UGT2B7: variants seen among roughly 807,000 people sequenced by gnomAD.
UGT2B7 encodes the protein UDP glucuronosyltransferase family 2 member B7, also known as UDP-glucuronosyltransferase 2B7.
A neutral mutation model predicts 51.9 loss-of-function variants in UGT2B7; 51 were observed. The ratio of observed to expected loss-of-function variants is 0.98; its 90% confidence interval spans 0.78 to 1.24. The LOEUF (loss-of-function observed/expected upper bound fraction) is 1.24. UGT2B7 is among the 50% of genes most tolerant of loss of function. The pLI is 0.00. For synonymous variants in UGT2B7, 225 were observed against 211.6 expected (o/e 1.06, Z -0.55); for missense variants, 727 against 628.4 (o/e 1.16, Z -1.68).
intron 1 of UGT2B7, among the ~76,000 whole-genome samples, chr4:69,082,082 G>A (rs1718850237): frequency 6.6e-6 from 1 of 151,938 alleles, no homozygotes; most frequent in African/African-American, 2.4e-5. Context: ...TATTACTGTT[G>A]TAATTGGTTT....
At chr4:69,063,318 C>CA (rs556109411) in intron 1 of UGT2B7, among the ~76,000 whole-genome samples, 305 of 23,440 alleles carry the variant, frequency 0.013, 3 homozygotes, top group Middle Eastern at 0.034. Flanking sequence ...GACTCCGTCT[C>CA]AAAAAAAAAA....
At chr4:69,110,996 C>G (rs1719755628) in intron 5 of UGT2B7, among the ~76,000 whole-genome samples, 1 of 152,006 alleles carries the variant, frequency 6.6e-6, no homozygotes, top group Admixed American at 6.6e-5. Context: ...GTGGTTCCAT[C>G]ATAATGTGGC....
chr4:69,087,547 G>A (rs1577916923), intron 1 of UGT2B7, among the ~76,000 whole-genome samples: 2 of 151,876 alleles, frequency 1.3e-5, no homozygotes, highest in African/African-American at 4.8e-5. Flanking sequence ...GCCTTCAGAT[G>A]TATTCTTATT....
intron 2 of UGT2B7, among the ~76,000 whole-genome samples, chr4:69,100,214 G>A (rs1719378841): frequency 6.6e-6 from 1 of 151,980 alleles, no homozygotes; most frequent in Non-Finnish European, 1.5e-5. Flanking sequence ...GCCTGACACA[G>A]AAGCACAGAG....
At position 69,077,881 on chromosome 4, in the gene UGT2B7, C is replaced by A. The variant is rs190128098; in HGVS notation, c.-158-11591C>A. On this transcript the variant is annotated intron_variant, in intron 1 of 5. Coordinates refer to the UGT2B7 transcript ENST00000502942. ...CAATTTTCAAAGGGAATGCTTCCAG[C>A]TTTTGCCCATTCAGTATGATATGGG... 7.0e-4 allele frequency among the ~76,000 whole-genome samples: 107 copies of A among 152,234 alleles called. 1 individual carries two copies. In the East Asian group the frequency reaches 0.02, roughly 28 times the overall value.
chr4:69,080,406 G>A (rs1206695958), intron 1 of UGT2B7, among the ~76,000 whole-genome samples: 2 of 151,834 alleles, frequency 1.3e-5, no homozygotes, highest in Non-Finnish European at 2.9e-5. Context: ...AAATTAGCCA[G>A]GCATGGTAGC....
At position 69,096,832 on chromosome 4, in the gene UGT2B7, A is replaced by T. The variant is rs370517827; in HGVS notation, c.312A>T (p.Thr104=). ...IKRWSDLPKD[T]FWLYFSQVQE... Reference sequence around the variant, plus strand: ...GATGGTCAGACCTTCCAAAAGATACATTTTGGTTATATTTTTCACAAGTAC... The same window carrying T: ...GATGGTCAGACCTTCCAAAAGATACTTTTTGGTTATATTTTTCACAAGTAC... Residue 104 remains threonine (T), a synonymous_variant, in exon 1 of 6, where the codon ACA becomes ACT. Coordinates refer to ENST00000305231, the MANE Select transcript of UGT2B7 (RefSeq NM_001074.4). 1 of 1,613,610 alleles carries T rather than the reference A, an allele frequency of 6.2e-7. No individual in the cohort carries two copies. The highest frequency in any genetic ancestry group is 8.5e-7 in the Non-Finnish European group (1 of 1,179,818).
chr4:69,071,020 A>T (rs1203677597), intron 1 of UGT2B7, among the ~76,000 whole-genome samples: 2 of 152,154 alleles, frequency 1.3e-5, no homozygotes, highest in African/African-American at 2.4e-5. Flanking sequence ...TTGGTTAGAA[A>T]GACTAAAGAT....
At chr4:69,059,306 T>C (rs116224681) in intron 1 of UGT2B7, among the ~76,000 whole-genome samples, 5,075 of 152,220 alleles carry the variant, frequency 0.033, 271 homozygotes, top group African/African-American at 0.12. Flanking sequence ...CATCGGTTGG[T>C]CAAAGAGGTG....
chr4:69,101,546 T>C (rs1349593665), intron 2 of UGT2B7, among the ~76,000 whole-genome samples: 2 of 152,098 alleles, frequency 1.3e-5, no homozygotes, highest in Non-Finnish European at 2.9e-5. Context: ...ACATTAAATA[T>C]GGCTACAGGC....
intron 1 of UGT2B7, among the ~76,000 whole-genome samples, chr4:69,098,320 C>A (rs550448738): frequency 2.0e-5 from 3 of 152,128 alleles, no homozygotes; most frequent in South Asian, 2.1e-4. Flanking sequence ...TGTAGCTTAA[C>A]CTCACAATTC....
At chr4:69,055,016 C>A (rs1283251161) in intron 1 of UGT2B7, among the ~76,000 whole-genome samples, 2 of 148,298 alleles carry the variant, frequency 1.3e-5, no homozygotes, top group Admixed American at 6.8e-5. Flanking sequence ...AAGTGACCAG[C>A]CTGATGCGTG....
At chr4:69,110,199 C>A (rs1438169522) in intron 5 of UGT2B7, among the ~76,000 whole-genome samples, 1 of 151,982 alleles carries the variant, frequency 6.6e-6, no homozygotes, top group African/African-American at 2.4e-5. Flanking sequence ...CTTGAAGACA[C>A]ATTTTCCTAG....
At chr4:69,064,203 G>C (rs1421106314) in intron 1 of UGT2B7, among the ~76,000 whole-genome samples, 10 of 152,148 alleles carry the variant, frequency 6.6e-5, no homozygotes, top group Admixed American at 1.3e-4. Context: ...ACGCAGCAAC[G>C]GGTGCAGCCC....
rs6600868 is a variant in UGT2B7, at chr4:69,075,923, A to T, written c.-158-13549A>T. Among the ~76,000 whole-genome samples the T allele has an allele frequency of 5.2e-3, 788 of 151,408 alleles. 11 individuals carry two copies. The highest frequency in any genetic ancestry group is 0.018 in the African/African-American group (758 of 41,282). On this transcript the variant is annotated intron_variant, in intron 1 of 5. Coordinates refer to the UGT2B7 transcript ENST00000502942. ...TAGGTATTTCTCCTAATGCTATTCC[A>T]CCCCTAGCCCCCCTCCCCATAACAG...
intron 2 of UGT2B7, among the ~76,000 whole-genome samples, chr4:69,101,422 AC>A (rs1387819458): frequency 2.0e-5 from 3 of 152,090 alleles, no homozygotes; most frequent in Non-Finnish European, 4.4e-5. Flanking sequence ...AGAAGAAGAA[AC>A]AACCAGTCCA....
intron 1 of UGT2B7, among the ~76,000 whole-genome samples, chr4:69,079,534 T>C (rs545236951): frequency 1.1e-4 from 17 of 152,292 alleles, no homozygotes; most frequent in Admixed American, 2.0e-4. Flanking sequence ...CATAGCATAT[T>C]GTGACAGGTC....
intron 1 of UGT2B7, among the ~76,000 whole-genome samples, chr4:69,054,669 T>A (rs1718134806): frequency 1.3e-5 from 2 of 151,274 alleles, no homozygotes; most frequent in South Asian, 4.2e-4. Context: ...AGGAGTTGTA[T>A]GTAGATAGGA....
At chr4:69,083,114 C>A (rs1176996669) in intron 1 of UGT2B7, among the ~76,000 whole-genome samples, 1 of 152,088 alleles carries the variant, frequency 6.6e-6, no homozygotes, top group Non-Finnish European at 1.5e-5. Context: ...TTTAAGCTGA[C>A]TGTTGAGATC....
Sources: allele counts gnomAD v4.1 joint callset (sites outside exome capture counted in the v4.1 genomes callset), GRCh38; gene constraint gnomAD v4.1.1; transcripts MANE v1.5; gene names NCBI Gene and HGNC (gene_info 2026-07-23, HGNC 2026-07-21).